Variants in PCDHA12 observed in about 807,000 individuals in gnomAD.
PCDHA12 encodes protocadherin alpha 12.
PCDHA12 carries 44 observed loss-of-function variants against 60.0 expected under a neutral mutation model. That is an observed-to-expected ratio of 0.73 (90% CI 0.58 to 0.94). The LOEUF (loss-of-function observed/expected upper bound fraction) is 0.94. Among genes scored for constraint, PCDHA12 ranks in the 40% least tolerant of loss-of-function variants. The probability of loss-of-function intolerance (pLI) is 0.00; values close to 1 mark genes in which losing one functional copy is unlikely to be tolerated. For missense variants in PCDHA12, 1,276 were observed against 1,239.7 expected (o/e 1.03, Z -0.44); for synonymous variants, 569 against 553.0 (o/e 1.03, Z -0.40).
chr5:140,892,941 A>G (rs1554185454), intron 1 of PCDHA12, among the ~76,000 whole-genome samples: 1 of 152,178 alleles, frequency 6.6e-6, no homozygotes, highest in African/African-American at 2.4e-5. Context: ...GATAAGCACA[A>G]TACTACTTCC....
chr5:140,887,728 C>T (rs1313632263), intron 1 of PCDHA12, among the ~76,000 whole-genome samples: 1 of 151,970 alleles, frequency 6.6e-6, no homozygotes, highest in Non-Finnish European at 1.5e-5. Context: ...TTTTTCTTTC[C>T]TTCCATCCTT....
At chr5:140,992,236 G>A (rs1431521103) in intron 3 of PCDHA12, among the ~76,000 whole-genome samples, 1 of 152,168 alleles carries the variant, frequency 6.6e-6, no homozygotes, top group African/African-American at 2.4e-5. Context: ...GAAGAGTAAG[G>A]AAGGAAGTAG....
At chr5:140,911,818 A>T (rs1472874528) in intron 1 of PCDHA12, among the ~76,000 whole-genome samples, 2 of 152,210 alleles carry the variant, frequency 1.3e-5, no homozygotes, top group African/African-American at 2.4e-5. Flanking sequence ...CCTTCTCCAG[A>T]AACCCCAAAA....
intron 1 of PCDHA12, among the ~76,000 whole-genome samples, chr5:140,914,476 G>C (rs1054000684): frequency 6.6e-6 from 1 of 152,140 alleles, no homozygotes; most frequent in Non-Finnish European, 1.5e-5. Context: ...CTTCATAGGT[G>C]AAGTGTTTCT....
intron 1 of PCDHA12, among the ~76,000 whole-genome samples, chr5:140,894,265 C>A (rs1328152615): frequency 6.6e-6 from 1 of 151,796 alleles, no homozygotes; most frequent in East Asian, 1.9e-4. Context: ...CAAGTGGTAG[C>A]TTATTTACAA....
At chr5:140,882,936 C>T (rs782513929) in intron 1 of PCDHA12, 5 of 1,614,082 alleles carry the variant, frequency 3.1e-6, no homozygotes, top group Non-Finnish European at 4.2e-6. Flanking sequence ...CCCGAGCTGA[C>T]TGGCACAGTT....
chr5:140,885,207 T>C (rs1405388039), intron 1 of PCDHA12, among the ~76,000 whole-genome samples: 1 of 152,140 alleles, frequency 6.6e-6, no homozygotes, highest in Admixed American at 6.5e-5. Context: ...ATATATCCCA[T>C]GAAAAATATC....
chr5:140,913,237 C>A (rs2076260841), intron 1 of PCDHA12, among the ~76,000 whole-genome samples: 1 of 152,080 alleles, frequency 6.6e-6, no homozygotes, highest in Non-Finnish European at 1.5e-5. Context: ...TGCTGGGAGA[C>A]TTTTTGTTAC....
intron 3 of PCDHA12, among the ~76,000 whole-genome samples, chr5:141,006,105 G>GTT (rs79904017): frequency 1.9e-4 from 27 of 143,364 alleles, no homozygotes; most frequent in Middle Eastern, 3.8e-3. Flanking sequence ...ATGGTAAGGA[G>GTT]TTTTTTTTTT....
At position 140,925,553 on chromosome 5, in the gene PCDHA12, A is replaced by G. The variant is rs183194732; in HGVS notation, c.2367+47714A>G. 8.0e-3 allele frequency among the ~76,000 whole-genome samples: 1,211 copies of G among 152,074 alleles called. 7 individuals carry two copies. The highest frequency in any genetic ancestry group is 0.019 in the African/African-American group (785 of 41,482). On this transcript the variant is annotated intron_variant, in intron 1 of 3. Transcript: ENST00000398631. The stretch of plus-strand genomic sequence containing the variant: ...AGGAGAAATACCTAATGTAAATGAC[A>G]AGTTAATGGGTGCAGCACACCAACA...
chr5:141,006,618 A>G (rs74748321), intron 3 of PCDHA12, among the ~76,000 whole-genome samples: 53 of 152,290 alleles, frequency 3.5e-4, no homozygotes, highest in African/African-American at 1.3e-3. Flanking sequence ...GAATAAGGAG[A>G]CTATTGCTGC....
rs79247475 is a variant in PCDHA12 at position 140,982,540 on chromosome 5, C to G, written c.2492C>G (p.Pro831Arg). The G allele has an allele frequency of 4.3e-3, 6,927 of 1,614,122 alleles. 34 individuals are homozygous for G. The highest frequency in any genetic ancestry group is 5.0e-3 in the South Asian group (455 of 91,080). Residue 831 changes from proline to arginine, a missense_variant, in exon 3 of 4, where the codon CCA becomes CGA. Physicochemically the swap from Pro to Arg is moderately radical, Grantham distance 103. Transcript: ENST00000398631. ...AGPGGPDQQW[P>R]TVSSATPEPE... ...CCAGGAGGGCCTGATCAGCAGTGGC[C>G]AACAGTATCCAGTGCAACACCAGGT...
intron 1 of PCDHA12, among the ~76,000 whole-genome samples, chr5:140,942,875 C>A (rs1003014974): frequency 2.0e-5 from 3 of 151,896 alleles, no homozygotes; most frequent in African/African-American, 7.3e-5. Flanking sequence ...AGCATGACAA[C>A]TTTTTTCCTA....
chr5:140,889,583 G>C (rs1373487919), intron 1 of PCDHA12, among the ~76,000 whole-genome samples: 1 of 151,554 alleles, frequency 6.6e-6, no homozygotes, highest in African/African-American at 2.4e-5. Context: ...TTTTGTTTTT[G>C]CTTTGAAATA....
In PCDHA12 at chr5:141,010,204, C is replaced by G. The variant is rs1238256859; in HGVS notation, c.*267C>G. ...GACCCAAGTTTCCTTTCTCCTCCGC[C>G]GCAAAGGAGAGGCTTCCCAGCCCCG... On this transcript the variant is annotated 3_prime_UTR_variant, in exon 4 of 4. Transcript: ENST00000398631. 1.3e-5 allele frequency: 20 copies of G among 1,551,852 alleles called. No homozygotes were observed. Among genetic ancestry groups the G allele is most frequent in the Non-Finnish European group, 1.7e-5 (20 of 1,147,056 alleles).
At chr5:140,900,626 T>C (rs958637463) in intron 1 of PCDHA12, among the ~76,000 whole-genome samples, 6 of 152,230 alleles carry the variant, frequency 3.9e-5, no homozygotes, top group Non-Finnish European at 7.3e-5. Flanking sequence ...TGCTTCCAAA[T>C]CTTGGCTATT....
At chr5:140,885,486 T>C (rs1420709904) in intron 1 of PCDHA12, among the ~76,000 whole-genome samples, 2 of 152,188 alleles carry the variant, frequency 1.3e-5, no homozygotes, top group Non-Finnish European at 2.9e-5. Context: ...TGTCAAGTGT[T>C]CTGTTATCTT....
At chr5:140,901,282 T>A (rs555723354) in intron 1 of PCDHA12, among the ~76,000 whole-genome samples, 44 of 152,318 alleles carry the variant, frequency 2.9e-4, no homozygotes, top group African/African-American at 1.0e-3. Context: ...CAAGAAATTT[T>A]TGCCCAGACT....
At chr5:140,933,613 A>G (rs1441475985) in intron 1 of PCDHA12, among the ~76,000 whole-genome samples, 1 of 151,962 alleles carries the variant, frequency 6.6e-6, no homozygotes, top group Non-Finnish European at 1.5e-5. Flanking sequence ...TTCTTTTCTT[A>G]TTAGGTTAGG....
Sources: gnomAD v4.1 joint callset for allele counts (sites outside exome capture counted in the v4.1 genomes callset) on GRCh38, gnomAD v4.1.1 for gene constraint, MANE v1.5 for transcripts, NCBI Gene and HGNC (gene_info 2026-07-23, HGNC 2026-07-21) for gene names.